The following SHC3 variants were observed in gnomAD, a reference collection of about 807,000 sequenced individuals.
SHC3 encodes SHC-transforming protein 3.
Under a neutral mutation model 60.4 loss-of-function variants are expected in SHC3, and 15 were observed. The ratio of observed to expected loss-of-function variants is 0.25; its 90% CI spans 0.17 to 0.38. The LOEUF is 0.38. Among genes scored for constraint, SHC3 ranks in the 10% least tolerant of loss-of-function variants. SHC3 has a pLI of 1.00. For missense variants in SHC3, 677 were observed against 786.1 expected (o/e 0.86, Z 1.66); for synonymous variants, 294 against 325.9 (o/e 0.90, Z 1.05).
At chr9:89,142,283 G>T (rs543411510) in intron 1 of SHC3, among the ~76,000 whole-genome samples, 4 of 152,098 alleles carry the variant, frequency 2.6e-5, no homozygotes, top group Non-Finnish European at 5.9e-5. Flanking sequence ...TTTAAGGCTG[G>T]GTGCGATGGC....
At chr9:89,073,409 C>A (rs1167788954) in intron 4 of SHC3, among the ~76,000 whole-genome samples, 1 of 152,158 alleles carries the variant, frequency 6.6e-6, no homozygotes, top group Non-Finnish European at 1.5e-5. Context: ...CCACTAGGAA[C>A]TCTGTAGAGG....
intron 2 of SHC3, among the ~76,000 whole-genome samples, chr9:89,092,882 TA>T (rs1364205885): frequency 3.9e-5 from 6 of 152,150 alleles, no homozygotes; most frequent in South Asian, 4.1e-4. Context: ...TGTTTTAATT[TA>T]AAAAAATAAA....
At chr9:89,014,852 C>T (rs935078939) in intron 11 of SHC3, among the ~76,000 whole-genome samples, 4 of 152,144 alleles carry the variant, frequency 2.6e-5, no homozygotes, top group African/African-American at 9.7e-5. Context: ...GAAATCCCCA[C>T]CCAAGGTGCT....
At chr9:89,025,659 C>T (rs1826283324) in intron 11 of SHC3, among the ~76,000 whole-genome samples, 1 of 152,146 alleles carries the variant, frequency 6.6e-6, no homozygotes, top group African/African-American at 2.4e-5. Flanking sequence ...AACTGACCAG[C>T]AGTAACATTT....
intron 1 of SHC3, among the ~76,000 whole-genome samples, chr9:89,123,022 A>G (rs1214957134): frequency 6.6e-6 from 1 of 152,216 alleles, no homozygotes; most frequent in Non-Finnish European, 1.5e-5. Context: ...ATTGCTAACT[A>G]GTCCCAGGTG....
At position 89,059,605 on chromosome 9, in the gene SHC3, G is replaced by A. The variant is rs546320497; in HGVS notation, c.835+5924C>T. ...TGTGGTGGAGGACATGGTGTAGGACGTGGTGCAGGGCGGTGGTGGAGGACG... is the reference window on the plus strand; with the variant it reads ...TGTGGTGGAGGACATGGTGTAGGACATGGTGCAGGGCGGTGGTGGAGGACG... On this transcript the variant is annotated intron_variant, in intron 6 of 11. Transcript: ENST00000375835. Among the ~76,000 whole-genome samples, 19 of 129,910 alleles carry A rather than the reference G, an allele frequency of 1.5e-4. No homozygotes were observed. The South Asian group carries it at 2.2e-3, about 15-fold the overall frequency. 85.2% of individuals were successfully genotyped at this position (129,910 alleles called of 152,430 possible). A position where few individuals can be genotyped will look rare whatever the true frequency, so the allele number is the denominator to read the frequency against.
chr9:89,120,572 T>G (rs1281881206), intron 1 of SHC3, among the ~76,000 whole-genome samples: 3 of 152,218 alleles, frequency 2.0e-5, no homozygotes, highest in African/African-American at 7.2e-5. Flanking sequence ...TCACATATTC[T>G]TCGAGCAAAT....
At chr9:89,023,786 A>G (rs557144904) in intron 11 of SHC3, among the ~76,000 whole-genome samples, 1 of 152,324 alleles carries the variant, frequency 6.6e-6, no homozygotes, top group Admixed American at 6.5e-5. Flanking sequence ...TCCTGTTTCT[A>G]CTGCTAATGT....
At chr9:89,160,387 C>T (rs1826687172) in intron 1 of SHC3, among the ~76,000 whole-genome samples, 3 of 152,224 alleles carry the variant, frequency 2.0e-5, no homozygotes, top group Non-Finnish European at 4.4e-5. Context: ...CCACTGATCT[C>T]TTACCACATA....
chr9:89,100,267 A>G (rs1464357681), intron 2 of SHC3, among the ~76,000 whole-genome samples: 1 of 152,204 alleles, frequency 6.6e-6, no homozygotes, highest in Non-Finnish European at 1.5e-5. Context: ...CTTCCTGCAC[A>G]TATGCATCAA....
chr9:89,153,126 T>G (rs1826567370), intron 1 of SHC3, among the ~76,000 whole-genome samples: 1 of 152,250 alleles, frequency 6.6e-6, no homozygotes, highest in African/African-American at 2.4e-5. Flanking sequence ...CTATGTATGT[T>G]GTGCTCAGTA....
Position 89,128,749 on chromosome 9 carries a change from C to A in SHC3, c.475-16123G>T, listed in dbSNP as rs574571392. On this transcript the variant is annotated intron_variant, in intron 1 of 11. Coordinates refer to ENST00000375835, the MANE Select transcript of SHC3 (RefSeq NM_016848.6). The stretch of plus-strand genomic sequence containing the variant: ...CATCCACACGAAAACCCCATCTGTA[C>A]GTCACCATCATCAAAGGCCAAAGGT... Among the ~76,000 whole-genome samples the A allele has an allele frequency of 3.9e-5, 6 of 152,238 alleles. No individual in the cohort carries two copies. In the East Asian group the frequency reaches 1.2e-3, roughly 29 times the overall value.
At chr9:89,165,291 C>T (rs60489794) in intron 1 of SHC3, among the ~76,000 whole-genome samples, 4,856 of 146,310 alleles carry the variant, frequency 0.033, 243 homozygotes, top group African/African-American at 0.12. Context: ...TGTGTTTTCA[C>T]ACACCCTGGA....
chr9:89,083,661 A>G (rs4877049), intron 2 of SHC3, among the ~76,000 whole-genome samples: 13,890 of 152,260 alleles, frequency 0.091, 716 homozygotes, highest in Admixed American at 0.13. Flanking sequence ...AACGAAAAGA[A>G]GACCATTTGG....
chr9:89,161,571 G>A (rs578163540), intron 1 of SHC3, among the ~76,000 whole-genome samples: 3 of 152,294 alleles, frequency 2.0e-5, no homozygotes, highest in East Asian at 3.9e-4. Context: ...AGCTCAGGCT[G>A]CCATAACAAA....
intron 11 of SHC3, among the ~76,000 whole-genome samples, chr9:89,035,887 G>A (rs397893991): frequency 8.9e-4 from 102 of 114,262 alleles, no homozygotes; most frequent in African/African-American, 3.1e-3. Context: ...GTGTGTGTGT[G>A]TGTATTGGGT....
chr9:89,132,624 A>T (rs1428403319), intron 1 of SHC3, among the ~76,000 whole-genome samples: 2 of 152,218 alleles, frequency 1.3e-5, no homozygotes, highest in Non-Finnish European at 2.9e-5. Flanking sequence ...CAACCATCTG[A>T]TCTTTGACAA....
chr9:89,016,786 C>T (rs1003816012), intron 11 of SHC3, among the ~76,000 whole-genome samples: 3 of 152,030 alleles, frequency 2.0e-5, no homozygotes, highest in African/African-American at 7.2e-5. Context: ...GCAAATTGAA[C>T]CCAACAATGT....
intron 2 of SHC3, among the ~76,000 whole-genome samples, chr9:89,090,028 G>A (rs904398483): frequency 5.3e-5 from 8 of 152,182 alleles, no homozygotes; most frequent in Non-Finnish European, 8.8e-5. Flanking sequence ...GCAAACACAC[G>A]GAGCCCTGAG....
Sources: gnomAD v4.1 joint callset for allele counts (sites outside exome capture counted in the v4.1 genomes callset) on GRCh38, gnomAD v4.1.1 for gene constraint, MANE v1.5 for transcripts, NCBI Gene and HGNC (gene_info 2026-07-23, HGNC 2026-07-21) for gene names.